The following LARGE1 variants were observed in gnomAD, a reference collection of about 807,000 sequenced individuals.
The protein encoded by LARGE1 is xylosyl- and glucuronyltransferase LARGE1.
In LARGE1, 43 loss-of-function variants were observed where a neutral mutation model predicts 87.6. That is an observed-to-expected ratio of 0.49 (90% CI 0.38 to 0.63). LARGE1 has a LOEUF of 0.63. Ranked by LOEUF, LARGE1 falls within the 30% of genes least tolerant of loss-of-function variation. The pLI is 0.00. For synonymous variants in LARGE1, 434 were observed against 394.6 expected (o/e 1.10, Z -1.18); for missense variants, 802 against 1,000.2 (o/e 0.80, Z 2.67).
intron 9 of LARGE1, among the ~76,000 whole-genome samples, chr22:33,366,705 C>G (rs2064606004): frequency 6.6e-6 from 1 of 152,170 alleles, no homozygotes; most frequent in Admixed American, 6.6e-5. Context: ...TGAGGCCTCC[C>G]CAGCCCTGTG....
chr22:33,840,531 C>T (rs2063250319), intron 1 of LARGE1, among the ~76,000 whole-genome samples: 1 of 152,080 alleles, frequency 6.6e-6, no homozygotes. Flanking sequence ...AAGGTTCTAG[C>T]ATCTTTTCTT....
intron 1 of LARGE1, among the ~76,000 whole-genome samples, chr22:33,905,559 T>C (rs2065421215): frequency 6.6e-6 from 1 of 152,232 alleles, no homozygotes; most frequent in African/African-American, 2.4e-5. Flanking sequence ...ATCATTCATT[T>C]TAAAAATCCA....
chr22:33,288,581 G>A (rs1931968399), intron 12 of LARGE1, among the ~76,000 whole-genome samples: 1 of 152,172 alleles, frequency 6.6e-6, no homozygotes, highest in African/African-American at 2.4e-5. Context: ...GGTAAGACAT[G>A]CTGCTTACTG....
chr22:33,283,515 T>A, intron 12 of LARGE1, among the ~76,000 whole-genome samples, 167 bp from the exon 13 acceptor site: 1 of 152,084 alleles, frequency 6.6e-6, no homozygotes, highest in Admixed American at 6.5e-5. Context: ...ATGGCTCACG[T>A]CTGTAATCCC....
intron 1 of LARGE1, among the ~76,000 whole-genome samples, chr22:33,834,726 A>T (rs1175502173): frequency 6.6e-6 from 1 of 152,236 alleles, no homozygotes; most frequent in Non-Finnish European, 1.5e-5. Flanking sequence ...AATATGAGCA[A>T]GTTTTCTTTA....
intron 8 of LARGE1, 128 bp downstream of exon 8, chr22:33,384,064 C>A: frequency 6.4e-6 from 5 of 776,690 alleles, no homozygotes; most frequent in Non-Finnish European, 1.2e-5. Flanking sequence ...AATAAGGCAG[C>A]TGTATCAGAG....
At chr22:33,504,461 C>T (rs141781917) in intron 6 of LARGE1, among the ~76,000 whole-genome samples, 148 of 152,234 alleles carry the variant, frequency 9.7e-4, no homozygotes, top group African/African-American at 3.3e-3. Flanking sequence ...GGTTTCACCA[C>T]GTCGGCCAGG....
At chr22:33,094,402 G>A in the LARGE1 span, among the ~76,000 whole-genome samples, 2 of 151,920 alleles carry the variant, frequency 1.3e-5, no homozygotes, top group Admixed American at 6.6e-5. Context: ...CAGCTCCCCT[G>A]GCAATCATGC....
chr22:33,536,227 A>C (rs1429830789), intron 6 of LARGE1, among the ~76,000 whole-genome samples: 1 of 152,226 alleles, frequency 6.6e-6, no homozygotes, highest in African/African-American at 2.4e-5. Flanking sequence ...TCTTGCTCTG[A>C]GAACAGAACG....
chr22:33,862,010 C>A (rs1181933834), intron 1 of LARGE1, among the ~76,000 whole-genome samples: 1 of 151,990 alleles, frequency 6.6e-6, no homozygotes, highest in Non-Finnish European at 1.5e-5. Context: ...AGGCACGCGC[C>A]ACCATGCCCG....
intron 10 of LARGE1, chr22:33,322,645 T>C (rs1435888914): frequency 6.6e-6 from 1 of 152,188 alleles, no homozygotes; most frequent in African/African-American, 2.4e-5. Flanking sequence ...AAAGTACACC[T>C]TGCCCTAGTG....
intron 9 of LARGE1, among the ~76,000 whole-genome samples, chr22:33,363,354 C>T (rs1177000107): frequency 1.3e-5 from 2 of 149,926 alleles, no homozygotes; most frequent in Non-Finnish European, 3.0e-5. Context: ...GCCTCACAAT[C>T]ATGGTGGAAG....
At chr22:33,367,876 AT>A (rs1234382239) in intron 9 of LARGE1, among the ~76,000 whole-genome samples, 3 of 151,974 alleles carry the variant, frequency 2.0e-5, no homozygotes, top group Non-Finnish European at 4.4e-5. Context: ...TATTATTTTT[AT>A]TTTCATTTAG....
At chr22:33,217,567 A>G (rs1925268078) in intron 11 of LARGE1, among the ~76,000 whole-genome samples, 1 of 152,236 alleles carries the variant, frequency 6.6e-6, no homozygotes, top group Non-Finnish European at 1.5e-5. Context: ...TATATTGCCC[A>G]TGAATGCATA....
chr22:33,259,470 C>A (rs561972132), intron 11 of LARGE1, among the ~76,000 whole-genome samples: 2 of 152,088 alleles, frequency 1.3e-5, no homozygotes, highest in South Asian at 4.1e-4. Flanking sequence ...CCTTCCATTT[C>A]TCTGCAAGCC....
chr22:33,412,459 G>A (rs1242773483), intron 7 of LARGE1, among the ~76,000 whole-genome samples: 1 of 152,046 alleles, frequency 6.6e-6, no homozygotes, highest in East Asian at 1.9e-4. Context: ...GCTACTGAAC[G>A]GTTATGAAGG....
At chr22:33,746,594 T>C (rs2084093762) in intron 2 of LARGE1, 1 of 152,218 alleles carries the variant, frequency 6.6e-6, no homozygotes, top group Non-Finnish European at 1.5e-5. Flanking sequence ...TTGTAGGCAA[T>C]GTTATTAGAG....
chr22:33,195,183 A>G (rs1924000536), intron 11 of LARGE1, among the ~76,000 whole-genome samples: 1 of 152,176 alleles, frequency 6.6e-6, no homozygotes, highest in Non-Finnish European at 1.5e-5. Flanking sequence ...CTTCTTTCAA[A>G]CAGATGCTCT....
intron 10 of LARGE1, among the ~76,000 whole-genome samples, chr22:33,318,360 G>A (rs1182370132): frequency 6.6e-6 from 1 of 152,182 alleles, no homozygotes; most frequent in Admixed American, 6.5e-5. Context: ...AACATGCGGT[G>A]TTTGGTTTTT....
Sources: allele counts gnomAD v4.1 joint callset (sites outside exome capture counted in the v4.1 genomes callset), GRCh38; gene constraint gnomAD v4.1.1; transcripts MANE v1.5; gene names NCBI Gene and HGNC (gene_info 2026-07-23, HGNC 2026-07-21).